EXOC4: variants seen among roughly 807,000 people sequenced by gnomAD.
The protein encoded by EXOC4 is SEC8-like 1.
Under a neutral mutation model 107.2 loss-of-function variants are expected in EXOC4, and 71 were observed. That is an observed-to-expected ratio of 0.66 (90% CI 0.55 to 0.81). The LOEUF is 0.81. Ranked by LOEUF, EXOC4 falls within the 30% of genes least tolerant of loss-of-function variation. The pLI, the probability that EXOC4 is intolerant of heterozygous loss-of-function variation, is 0.00. For missense variants in EXOC4, 1,108 were observed against 1,189.6 expected (o/e 0.93, Z 1.01); for synonymous variants, 456 against 441.2 (o/e 1.03, Z -0.42).
chr7:133,275,091 T>C lies in EXOC4; in HGVS notation c.196T>C (p.Tyr66His). The C allele has an allele frequency of 6.2e-7, 1 of 1,613,816 alleles. No homozygotes were observed. The highest frequency in any genetic ancestry group is 8.5e-7 in the Non-Finnish European group (1 of 1,179,750). The change falls in exon 2 of 18, where the codon TAC becomes CAC. Residue 66 changes from tyrosine (Y) to histidine (H), a missense_variant. Coordinates refer to ENST00000253861, the MANE Select transcript of EXOC4 (RefSeq NM_021807.4). ...CCTGGATGAATTGATTGTACAGCAC[T>C]ACACAGAATTGACGACAGCCATTCG... ...RDLDELIVQHYTELTTAIRTY... is the reference protein window; with the variant it reads ...RDLDELIVQHHTELTTAIRTY...
intron 5 of EXOC4, among the ~76,000 whole-genome samples, chr7:133,319,565 C>T (rs1795064468): frequency 6.6e-6 from 1 of 152,158 alleles, no homozygotes; most frequent in African/African-American, 2.4e-5. Context: ...TCTCGGCCCA[C>T]TGCAACCTCC....
At chr7:134,050,766 G>A (rs969483086) in intron 17 of EXOC4, among the ~76,000 whole-genome samples, 4 of 152,136 alleles carry the variant, frequency 2.6e-5, no homozygotes, top group Admixed American at 2.6e-4. Flanking sequence ...AAAAGGCCTT[G>A]GATGTCAATG....
intron 7 of EXOC4, among the ~76,000 whole-genome samples, chr7:133,448,829 G>A (rs1434893736): frequency 6.6e-6 from 1 of 152,170 alleles, no homozygotes; most frequent in African/African-American, 2.4e-5. Flanking sequence ...TTTAGGCCAG[G>A]CGTGGTGGCT....
At chr7:133,680,712 T>C (rs1344565209) in intron 10 of EXOC4, among the ~76,000 whole-genome samples, 1 of 152,224 alleles carries the variant, frequency 6.6e-6, no homozygotes, top group Non-Finnish European at 1.5e-5. Context: ...AAGGTAGTTA[T>C]TTGAATACAT....
intron 4 of EXOC4, among the ~76,000 whole-genome samples, chr7:133,309,495 G>A (rs1316787072): frequency 3.3e-5 from 5 of 152,152 alleles, no homozygotes; most frequent in Non-Finnish European, 7.3e-5. Context: ...GATAAACTGT[G>A]AGACGTACAA....
At chr7:134,034,317 T>C (rs190729334) in intron 17 of EXOC4, among the ~76,000 whole-genome samples, 1 of 152,316 alleles carries the variant, frequency 6.6e-6, no homozygotes, top group Admixed American at 6.5e-5. Context: ...AAAGCAACTA[T>C]ACAGGAAATG....
At chr7:133,581,113 C>G (rs1437066559) in intron 9 of EXOC4, among the ~76,000 whole-genome samples, 1 of 152,168 alleles carries the variant, frequency 6.6e-6, no homozygotes, top group African/African-American at 2.4e-5. Flanking sequence ...TTTCCTGCTG[C>G]TTTTGATACA....
intron 9 of EXOC4, among the ~76,000 whole-genome samples, chr7:133,552,802 C>A (rs776471846): frequency 6.6e-6 from 1 of 152,072 alleles, no homozygotes; most frequent in Non-Finnish European, 1.5e-5. Flanking sequence ...AATAACAAAT[C>A]ATATTTTTTC....
Position 133,253,358 on chromosome 7 carries a change from C to T in EXOC4, c.86+171C>T, listed in dbSNP as rs536415502. On this transcript the variant is annotated intron_variant, in intron 1 of 17. Transcript: ENST00000253861. ...CCCAGGGCCCCAGCAATTCCCCCTC[C>T]ACCTTTTTTTTCTGGGGTTAGCTAT... The T allele has an allele frequency of 5.0e-6, 7 of 1,404,252 alleles. No homozygotes were observed. The African/African-American group carries it at 5.9e-5, about 12-fold the overall frequency. 87.0% of individuals were successfully genotyped at this position (1,404,252 alleles called of 1,614,324 possible).
intron 10 of EXOC4, among the ~76,000 whole-genome samples, chr7:133,755,273 T>A (rs543440174): frequency 1.4e-3 from 143 of 103,734 alleles, no homozygotes; most frequent in Non-Finnish European, 2.0e-3. Context: ...ATTATATATA[T>A]TATATATATT....
chr7:133,736,099 A>T (rs1795438843), intron 10 of EXOC4, among the ~76,000 whole-genome samples: 2 of 152,040 alleles, frequency 1.3e-5, no homozygotes, highest in African/African-American at 4.8e-5. Flanking sequence ...AAAAAAAAAA[A>T]GATATTTATT....
intron 17 of EXOC4, among the ~76,000 whole-genome samples, chr7:134,046,340 G>A (rs1038870940): frequency 6.6e-6 from 1 of 151,950 alleles, no homozygotes; most frequent in Admixed American, 6.6e-5. Context: ...AAATTAGTCA[G>A]GCGTGGGTAG....
chr7:133,900,428 C>T (rs773897255), intron 12 of EXOC4, among the ~76,000 whole-genome samples: 1 of 151,968 alleles, frequency 6.6e-6, no homozygotes, highest in Non-Finnish European at 1.5e-5. Flanking sequence ...AAGAAGAGCA[C>T]GAACAAGTGA....
intron 3 of EXOC4, among the ~76,000 whole-genome samples, chr7:133,290,453 T>C (rs1794378411): frequency 6.6e-6 from 1 of 152,254 alleles, no homozygotes; most frequent in Admixed American, 6.5e-5. Context: ...TAGTGTTGAT[T>C]TATGCATTAT....
At chr7:134,049,512 C>T (rs555200632) in intron 17 of EXOC4, among the ~76,000 whole-genome samples, 39 of 152,310 alleles carry the variant, frequency 2.6e-4, no homozygotes, top group Admixed American at 6.5e-5. Flanking sequence ...TTCCTTTGCT[C>T]GTGGAGGACT....
chr7:133,753,944 T>G (rs1795846172), intron 10 of EXOC4, among the ~76,000 whole-genome samples: 1 of 152,220 alleles, frequency 6.6e-6, no homozygotes, highest in South Asian at 2.1e-4. Context: ...ATAATTCTTC[T>G]AATGTGCCAA....
At position 133,603,293 on chromosome 7, in the gene EXOC4, T is replaced by G. The variant is rs571130988; in HGVS notation, c.1418-26752T>G. Among the ~76,000 whole-genome samples the G allele has an allele frequency of 4.2e-4, 64 of 152,320 alleles. No individual in the cohort carries two copies. The South Asian group carries it at 0.012, about 30-fold the overall frequency. On this transcript the variant is annotated intron_variant, in intron 9 of 17. Transcript: ENST00000253861. Reference sequence around the variant, plus strand: ...TTTTGTAATGCCTGTCTGGATTGATTTAGAGCTGCTTCTTTGTGCTCTACA... The same window carrying G: ...TTTTGTAATGCCTGTCTGGATTGATGTAGAGCTGCTTCTTTGTGCTCTACA...
chr7:133,756,655 T>C (rs7797067), intron 10 of EXOC4, among the ~76,000 whole-genome samples: 14,398 of 152,214 alleles, frequency 0.095, 779 homozygotes, highest in African/African-American at 0.14. Flanking sequence ...CAAGAATCTT[T>C]TGCCCTAAGC....
At chr7:133,410,350 A>G (rs1450054116) in intron 7 of EXOC4, among the ~76,000 whole-genome samples, 4 of 152,194 alleles carry the variant, frequency 2.6e-5, no homozygotes. Context: ...GGGTTATCAA[A>G]TGAACGTTAA....
Sources: allele counts gnomAD v4.1 joint callset (sites outside exome capture counted in the v4.1 genomes callset), GRCh38; gene constraint gnomAD v4.1.1; transcripts MANE v1.5; gene names NCBI Gene and HGNC (gene_info 2026-07-23, HGNC 2026-07-21).